Variants in IQSEC2 observed in about 807,000 individuals in gnomAD.
The protein encoded by IQSEC2 is IQ motif and Sec7 domain ArfGEF 2, also known as IQ motif and SEC7 domain-containing protein 2.
In IQSEC2, 6 loss-of-function variants were observed where a neutral mutation model predicts 74.6. The observed-to-expected ratio is 0.08, with a 90% CI of 0.04 to 0.16. The LOEUF is 0.16. Among genes scored for constraint, IQSEC2 ranks in the 10% least tolerant of loss-of-function variants. The pLI is 1.00. For missense variants in IQSEC2, 734 were observed against 1,306.2 expected, an observed-to-expected ratio of 0.56 and a Z score of 6.75; for synonymous variants, 494 against 544.5, an observed-to-expected ratio of 0.91 and a Z score of 1.29.
intron 1 of IQSEC2, among the ~76,000 whole-genome samples, chrX:53,307,885 TAA>T (rs782356115): frequency 2.6e-4 from 10 of 38,121 alleles, no homozygotes; most frequent in Non-Finnish European, 2.1e-4. Flanking sequence ...AGGCCCTGTC[TAA>T]AAAAAAAAAA....
intron 8 of IQSEC2, among the ~76,000 whole-genome samples, chrX:53,244,663 T>C (rs1017101506): frequency 3.6e-5 from 4 of 111,460 alleles, no homozygotes; most frequent in Non-Finnish European, 7.5e-5. Flanking sequence ...TACAAAAACA[T>C]TTCAATAGCA....
Position 53,234,384 on chromosome X carries a change from G to T in IQSEC2, c.4302C>A (p.His1434Gln). The stretch of plus-strand genomic sequence containing the variant: ...GTGGGGGGAGGGGTGGATAGGAGGG[G>T]TGGGGTGGGATGGGTGAGTGTGGTG... ...PLSPHSPIPPHPSYPPLPPPS... is the reference protein window; with the variant it reads ...PLSPHSPIPPQPSYPPLPPPS... Residue 1434 changes from histidine to glutamine, a missense_variant, in exon 15 of 15, where the codon CAC (histidine) becomes CAA (glutamine). Physicochemically the swap from His to Gln is conservative, Grantham distance 24 (BLOSUM62 0). Coordinates refer to ENST00000642864, the MANE Select transcript of IQSEC2 (RefSeq NM_001111125.3). 3.0e-6 allele frequency: 2 copies of T among 676,025 alleles called. No homozygotes were observed. The highest frequency in any genetic ancestry group is 2.8e-5 in the African/African-American group (1 of 36,229). 55.7% of individuals were successfully genotyped at this position (676,025 alleles called of 1,213,427 possible). A position where few individuals can be genotyped will look rare whatever the true frequency, so the allele number is the denominator to read the frequency against.
At chrX:53,288,546 C>G (rs782155468) in intron 2 of IQSEC2, among the ~76,000 whole-genome samples, 1 of 111,915 alleles carries the variant, frequency 8.9e-6, no homozygotes, top group African/African-American at 3.3e-5. Context: ...TGGTGAGGGC[C>G]TCATCAGGCC....
At chrX:53,293,329 A>G (rs1429851124) in intron 1 of IQSEC2, among the ~76,000 whole-genome samples, 1 of 111,677 alleles carries the variant, frequency 9.0e-6, no homozygotes, top group Non-Finnish European at 1.9e-5. Context: ...CACTCCCTTT[A>G]TGGGGTGTGG....
chrX:53,258,496 T>C, intron 2 of IQSEC2, among the ~76,000 whole-genome samples: 1 of 111,738 alleles, frequency 8.9e-6, no homozygotes, highest in Middle Eastern at 4.6e-3. Flanking sequence ...CCTGAACTTT[T>C]ACCACAGCCT....
chrX:53,241,907 G>A lies in IQSEC2; in HGVS notation c.2892C>T (p.Val964=). The A allele has an allele frequency of 8.3e-7, 1 of 1,208,001 alleles. No homozygotes were observed. Among genetic ancestry groups the A allele is most frequent in the Admixed American group, 2.2e-5 (1 of 45,733 alleles). The part of the protein sequence containing the change: ...VERMIVGKKP[V]LSLPHRRLVC... The stretch of plus-strand genomic sequence containing the variant: ...CCAGTCGACGGTGAGGGAGAGACAG[G>A]ACCTAGACAGGCATGAAGAAACAGG... Residue 964 remains valine, a splice_region_variant and synonymous_variant, in exon 10 of 15, where the codon GTC becomes GTT. Coordinates refer to ENST00000642864, the MANE Select transcript of IQSEC2 (RefSeq NM_001111125.3).
intron 4 of IQSEC2, 106 bp downstream of exon 4, chrX:53,254,424 A>T: frequency 1.4e-6 from 1 of 736,844 alleles, no homozygotes; most frequent in Non-Finnish European, 2.0e-6. Context: ...TGCTGTTATT[A>T]AATGCCTGTC....
Position 53,234,584 on chromosome X carries a change from G to A in IQSEC2, c.4102C>T (p.Leu1368=). The A allele has an allele frequency of 1.8e-6, 2 of 1,125,421 alleles. No homozygotes were observed. The highest frequency in any genetic ancestry group is 2.3e-6 in the Non-Finnish European group (2 of 851,067). 92.7% of individuals were successfully genotyped at this position (1,125,421 alleles called of 1,213,427 possible). A position where few individuals can be genotyped will look rare whatever the true frequency, so the allele number is the denominator to read the frequency against. The change falls in exon 15 of 15, where the codon CTG becomes TTG. Residue 1368 remains leucine, a synonymous_variant. Transcript: ENST00000642864. ...RHPLHQPTSP[L]PLYSPAPQHP... ...TGGGGGGCAGGACTGTACAGGGGCA[G>A]TGGGGATGTGGGCTGGTGCAGGGGG...
chrX:53,316,471 G>A (rs1423220786), intron 1 of IQSEC2, among the ~76,000 whole-genome samples: 1 of 110,800 alleles, frequency 9.0e-6, no homozygotes, highest in African/African-American at 3.3e-5. Context: ...CCCCTGCGGG[G>A]AGCATGCTGA....
chrX:53,251,443 T>C (rs987191201), intron 4 of IQSEC2, among the ~76,000 whole-genome samples: 4 of 110,856 alleles, frequency 3.6e-5, no homozygotes, highest in Non-Finnish European at 7.6e-5. Flanking sequence ...AATACCTCCT[T>C]TGTGTCCATT....
intron 2 of IQSEC2, among the ~76,000 whole-genome samples, chrX:53,286,198 C>G (rs1417179775): frequency 4.5e-5 from 5 of 111,306 alleles, no homozygotes; most frequent in Non-Finnish European, 9.4e-5. Flanking sequence ...TGGTAATATT[C>G]ACTGTACATT....
chrX:53,280,411 G>C (rs1330454286), intron 2 of IQSEC2, among the ~76,000 whole-genome samples: 2 of 110,884 alleles, frequency 1.8e-5, no homozygotes, highest in Non-Finnish European at 3.8e-5. Context: ...GAAAGAGGAA[G>C]ACAGAGAAAG....
chrX:53,235,872 C>T (rs1556859516), intron 13 of IQSEC2, 40 bp from the exon 14 acceptor site: 2 of 783,055 alleles, frequency 2.6e-6, no homozygotes, highest in South Asian at 3.4e-5. Context: ...AGAGCAGCAA[C>T]CCCCCCCCTA....
chrX:53,303,546 A>C (rs782567658), intron 1 of IQSEC2, among the ~76,000 whole-genome samples: 1 of 111,359 alleles, frequency 9.0e-6, no homozygotes, highest in Non-Finnish European at 1.9e-5. Flanking sequence ...CACATCTGTA[A>C]TCCCAGCTCT....
chrX:53,252,806 G>A (rs1556864051), intron 4 of IQSEC2, among the ~76,000 whole-genome samples: 1 of 111,953 alleles, frequency 8.9e-6, no homozygotes, highest in Non-Finnish European at 1.9e-5. Flanking sequence ...AAATTTGGGG[G>A]TAATTTGTTA....
chrX:53,285,509 A>C (rs1278050871), intron 2 of IQSEC2, among the ~76,000 whole-genome samples: 1 of 112,442 alleles, frequency 8.9e-6, no homozygotes, highest in Non-Finnish European at 1.9e-5. Flanking sequence ...GGTGGCCACA[A>C]AGATTAAAGA....
chrX:53,246,119 C>CA (rs1305761265), intron 8 of IQSEC2, among the ~76,000 whole-genome samples: 4 of 111,568 alleles, frequency 3.6e-5, no homozygotes, highest in African/African-American at 1.3e-4. Flanking sequence ...GCCTCAGCCT[C>CA]ACAAAGTGCT....
At chrX:53,279,957 G>GGAA (rs2074923548) in intron 2 of IQSEC2, among the ~76,000 whole-genome samples, 1 of 103,613 alleles carries the variant, frequency 9.7e-6, no homozygotes, top group Non-Finnish European at 2.0e-5. Context: ...AAGGAAGGAA[G>GGAA]GAAGAAAAAA....
chrX:53,283,212 T>C (rs963345340), intron 2 of IQSEC2, among the ~76,000 whole-genome samples: 1 of 111,889 alleles, frequency 8.9e-6, no homozygotes, highest in Non-Finnish European at 1.9e-5. Context: ...CAAGACCCTG[T>C]ACAAAAGAAA....
Sources: gnomAD v4.1 joint callset for allele counts (sites outside exome capture counted in the v4.1 genomes callset) on GRCh38, gnomAD v4.1.1 for gene constraint, MANE v1.5 for transcripts, NCBI Gene and HGNC (gene_info 2026-07-23, HGNC 2026-07-21) for gene names.